Variants in AVEN observed in about 807,000 individuals in gnomAD.
The protein encoded by AVEN is apoptosis and caspase activation inhibitor, also known as cell death regulator Aven.
In AVEN, 41 loss-of-function variants were observed where a neutral mutation model predicts 38.1. The ratio of observed to expected loss-of-function variants is 1.08; its 90% CI spans 0.84 to 1.40. The LOEUF (loss-of-function observed/expected upper bound fraction) is 1.40, where lower values mean the gene tolerates loss of function less well. AVEN is among the 40% of genes most tolerant of loss of function. AVEN has a pLI of 0.00. For synonymous variants in AVEN, 206 were observed against 171.8 expected, an observed-to-expected ratio of 1.20 and a Z score of -1.56; for missense variants, 605 against 438.8, an observed-to-expected ratio of 1.38 and a Z score of -3.38.
At chr15:33,867,944 A>C in intron 4 of AVEN, 89 bp from the exon 5 acceptor site, 1 of 1,467,028 alleles carries the variant, frequency 6.8e-7, no homozygotes, top group South Asian at 1.4e-5. Flanking sequence ...CGAAGCCATC[A>C]AACTTTGTGA....
chr15:33,860,220 G>A (rs1339891058), intron 11 of AVEN, among the ~76,000 whole-genome samples: 2 of 152,202 alleles, frequency 1.3e-5, no homozygotes, highest in Admixed American at 6.5e-5. Context: ...GGGCTAAGAA[G>A]TGAAGTAACT....
intron 11 of AVEN, among the ~76,000 whole-genome samples, chr15:33,860,244 G>T (rs2080196004): frequency 6.6e-6 from 1 of 152,210 alleles, no homozygotes; most frequent in South Asian, 2.1e-4. Flanking sequence ...GAGGAACCCT[G>T]ATCCACCTCA....
chr15:33,999,248 G>C (rs778384546), intron 2 of AVEN, among the ~76,000 whole-genome samples: 2 of 152,218 alleles, frequency 1.3e-5, no homozygotes, highest in Non-Finnish European at 2.9e-5. Context: ...CTCACCGAAG[G>C]TGATTCATTC....
intron 2 of AVEN, among the ~76,000 whole-genome samples, chr15:33,931,473 C>T (rs1893848508): frequency 1.3e-5 from 2 of 148,878 alleles, no homozygotes; most frequent in South Asian, 4.3e-4. Context: ...TGGGTTCACG[C>T]CATTCTCCTG....
chr15:34,031,562 A>G (rs994979821), intron 1 of AVEN, among the ~76,000 whole-genome samples: 2 of 152,232 alleles, frequency 1.3e-5, no homozygotes, highest in Non-Finnish European at 2.9e-5. Context: ...GATTCGTATC[A>G]GTCCTTAATG....
chr15:33,935,852 A>C (rs1456846862), intron 2 of AVEN, among the ~76,000 whole-genome samples: 1 of 152,204 alleles, frequency 6.6e-6, no homozygotes, highest in Non-Finnish European at 1.5e-5. Context: ...CTGGATTATA[A>C]ATGTTTAAGA....
chr15:33,886,982 A>T (rs116519265), intron 2 of AVEN, among the ~76,000 whole-genome samples: 2,300 of 152,354 alleles, frequency 0.015, 64 homozygotes, highest in African/African-American at 0.052. Context: ...AGGGGGCAGA[A>T]GGCATGCAGC....
At chr15:33,876,037 G>C in intron 2 of AVEN, 42 bp from the exon 3 acceptor site, 1 of 1,560,272 alleles carries the variant, frequency 6.4e-7, no homozygotes, top group South Asian at 1.1e-5. Flanking sequence ...AAAAGCCAAC[G>C]GAAACTCTCA....
intron 2 of AVEN, among the ~76,000 whole-genome samples, chr15:33,983,833 T>C (rs1896301693): frequency 6.6e-6 from 1 of 151,782 alleles, no homozygotes; most frequent in Admixed American, 6.6e-5. Flanking sequence ...CAGCAGTAAG[T>C]CCTATAAATA....
At chr15:33,905,463 C>T (rs1300445836) in intron 2 of AVEN, among the ~76,000 whole-genome samples, 6 of 152,204 alleles carry the variant, frequency 3.9e-5, no homozygotes, top group Admixed American at 3.9e-4. Flanking sequence ...AAGTCCAGCC[C>T]TCACAATCTG....
rs755279877 is a variant in AVEN at position 33,875,905 on chromosome 15, TAAC to T, written c.516+17_516+19del. On this transcript the variant is annotated intron_variant, in intron 3 of 5. Coordinates refer to ENST00000306730, the MANE Select transcript of AVEN (RefSeq NM_020371.3). ...CCTTGAAGAAGAGCCAGTCCACACT[TAAC>T]ACAACTCTTATCTTACCTGTTTTGG... 1 of 1,607,788 alleles carries T rather than the reference TAAC, an allele frequency of 6.2e-7. No homozygotes were observed. Among genetic ancestry groups the T allele is most frequent in the Admixed American group, 1.7e-5 (1 of 59,974 alleles).
At chr15:33,955,107 T>G (rs1894907065) in intron 2 of AVEN, among the ~76,000 whole-genome samples, 1 of 152,236 alleles carries the variant, frequency 6.6e-6, no homozygotes, top group South Asian at 2.1e-4. Context: ...TGTTTTAATT[T>G]TTTTAAAATG....
At chr15:33,947,767 CA>C (rs1348978461) in intron 2 of AVEN, among the ~76,000 whole-genome samples, 3 of 152,112 alleles carry the variant, frequency 2.0e-5, no homozygotes, top group African/African-American at 7.2e-5. Flanking sequence ...GCAGAACCTT[CA>C]GATACAGAGG....
chr15:33,922,660 G>A lies in AVEN; in HGVS notation c.446-46665C>T, dbSNP rs548216844. 4.6e-5 allele frequency among the ~76,000 whole-genome samples: 7 copies of A among 151,988 alleles called. No homozygotes were observed. The South Asian group carries it at 1.5e-3, about 32-fold the overall frequency. On this transcript the variant is annotated intron_variant, in intron 2 of 5. Coordinates refer to ENST00000306730, the MANE Select transcript of AVEN (RefSeq NM_020371.3). ...GTTGCCCAGGCTGGTCTGGACTCCT[G>A]GCTTCAGATCCTCCCACCTCAGCCT...
intron 11 of AVEN, chr15:33,859,703 C>T: frequency 6.2e-7 from 1 of 1,611,942 alleles, no homozygotes; most frequent in Non-Finnish European, 8.5e-7. Flanking sequence ...TCTTCTTCGT[C>T]ATTGTCATCT....
intron 2 of AVEN, among the ~76,000 whole-genome samples, chr15:33,921,037 A>G (rs7178746): frequency 0.06 from 9,138 of 152,094 alleles, 825 homozygotes; most frequent in African/African-American, 0.2. Flanking sequence ...CAGCCTCCCA[A>G]AGTGCTGGGA....
chr15:33,929,444 G>A (rs1350821223), intron 2 of AVEN, among the ~76,000 whole-genome samples: 1 of 152,158 alleles, frequency 6.6e-6, no homozygotes, highest in Non-Finnish European at 1.5e-5. Flanking sequence ...CCAGCCTCTG[G>A]GCCGAGGGAA....
intron 2 of AVEN, among the ~76,000 whole-genome samples, chr15:33,983,608 C>T (rs1567448080): frequency 6.6e-6 from 1 of 152,094 alleles, no homozygotes; most frequent in Non-Finnish European, 1.5e-5. Context: ...AGCCTCAAAA[C>T]ATTATTTACT....
At chr15:34,061,845 G>C (rs1900343203) in intron 5 of AVEN, among the ~76,000 whole-genome samples, 1 of 152,162 alleles carries the variant, frequency 6.6e-6, no homozygotes, top group African/African-American at 2.4e-5. Flanking sequence ...GGTATAATAT[G>C]GTCTTGGCTC....
Sources: gnomAD v4.1 joint callset for allele counts (sites outside exome capture counted in the v4.1 genomes callset) on GRCh38, gnomAD v4.1.1 for gene constraint, MANE v1.5 for transcripts, NCBI Gene and HGNC (gene_info 2026-07-23, HGNC 2026-07-21) for gene names.